PTPRK: variants seen among roughly 807,000 people sequenced by gnomAD.
PTPRK encodes protein tyrosine phosphatase receptor type K.
A neutral mutation model predicts 178.0 loss-of-function variants in PTPRK; 75 were observed. That is an observed-to-expected ratio of 0.42 (90% CI 0.35 to 0.51). PTPRK has a LOEUF of 0.51. Ranked by LOEUF, PTPRK falls within the 20% of genes least tolerant of loss-of-function variation. The pLI is 0.02. For missense variants in PTPRK, 1,441 were observed against 1,797.8 expected (o/e 0.80, Z 3.59); for synonymous variants, 637 against 620.6 (o/e 1.03, Z -0.39).
chr6:128,342,563 CAA>C (rs879599225), intron 2 of PTPRK, among the ~76,000 whole-genome samples: 6 of 140,254 alleles, frequency 4.3e-5, no homozygotes, highest in African/African-American at 7.8e-5. Context: ...ACAGTTATGA[CAA>C]AAAAAAAAAG....
At chr6:128,188,553 C>T (rs1346935133) in intron 6 of PTPRK, among the ~76,000 whole-genome samples, 3 of 152,106 alleles carry the variant, frequency 2.0e-5, no homozygotes, top group South Asian at 2.1e-4. Flanking sequence ...CATAAAGTAT[C>T]GTAAGATTAG....
intron 3 of PTPRK, among the ~76,000 whole-genome samples, chr6:128,286,265 T>C (rs1449758689): frequency 1.3e-5 from 2 of 152,180 alleles, no homozygotes; most frequent in Non-Finnish European, 2.9e-5. Context: ...ACTGTGCGTT[T>C]ATAGTTTTCA....
At chr6:128,388,186 A>G (rs1205124238) in intron 2 of PTPRK, among the ~76,000 whole-genome samples, 1 of 152,138 alleles carries the variant, frequency 6.6e-6, no homozygotes, top group African/African-American at 2.4e-5. Flanking sequence ...TATCCCAGGA[A>G]AGTTTTTTGT....
intron 7 of PTPRK, among the ~76,000 whole-genome samples, chr6:128,107,179 T>C (rs959060882): frequency 6.6e-6 from 1 of 152,056 alleles, no homozygotes; most frequent in Non-Finnish European, 1.5e-5. Flanking sequence ...AGTACATGTT[T>C]ATCTCATATA....
chr6:128,307,461 TA>T (rs540521960), intron 3 of PTPRK, among the ~76,000 whole-genome samples: 586 of 122,960 alleles, frequency 4.8e-3, no homozygotes, highest in South Asian at 9.8e-3. Flanking sequence ...ATTTGTAAAG[TA>T]AAAAAAAAAA....
chr6:128,129,158 C>T (rs184226117), intron 7 of PTPRK, among the ~76,000 whole-genome samples: 36 of 152,262 alleles, frequency 2.4e-4, no homozygotes, highest in Admixed American at 2.2e-3. Flanking sequence ...TTTAAGTTGG[C>T]TTGTAATTCT....
At chr6:128,044,923 A>G (rs1367801644) in intron 13 of PTPRK, among the ~76,000 whole-genome samples, 1 of 152,000 alleles carries the variant, frequency 6.6e-6, no homozygotes, top group African/African-American at 2.4e-5. Flanking sequence ...TACCATTTTA[A>G]TGCTGTCATC....
intron 3 of PTPRK, among the ~76,000 whole-genome samples, chr6:128,293,281 T>C (rs1823715130): frequency 6.6e-6 from 1 of 152,016 alleles, no homozygotes; most frequent in South Asian, 2.1e-4. Context: ...CACTAGCAGG[T>C]TTGGTTGTCT....
chr6:128,245,567 T>C (rs1815302662), intron 3 of PTPRK, among the ~76,000 whole-genome samples: 1 of 152,206 alleles, frequency 6.6e-6, no homozygotes, highest in South Asian at 2.1e-4. Context: ...ACTCCAAGTT[T>C]ACCCTTTGTG....
intron 13 of PTPRK, among the ~76,000 whole-genome samples, chr6:128,049,195 T>C (rs1388832499): frequency 6.6e-6 from 1 of 152,166 alleles, no homozygotes; most frequent in African/African-American, 2.4e-5. Context: ...TTTTAAGAAA[T>C]AGATTTGACT....
At chr6:128,215,817 C>A (rs891226371) in intron 6 of PTPRK, among the ~76,000 whole-genome samples, 1 of 151,958 alleles carries the variant, frequency 6.6e-6, no homozygotes, top group Non-Finnish European at 1.5e-5. Context: ...TCACTGCCCC[C>A]AAAATTTCCT....
At chr6:128,085,986 GTC>G (rs1192941466) in intron 8 of PTPRK, among the ~76,000 whole-genome samples, 4 of 152,146 alleles carry the variant, frequency 2.6e-5, no homozygotes, top group Non-Finnish European at 5.9e-5. Flanking sequence ...GACAGAAAAT[GTC>G]TCTCTGTACC....
At chr6:128,395,376 G>A (rs1184342983) in intron 2 of PTPRK, among the ~76,000 whole-genome samples, 1 of 152,052 alleles carries the variant, frequency 6.6e-6, no homozygotes, top group Non-Finnish European at 1.5e-5. Context: ...CATTTTCTGT[G>A]CATATCATCC....
rs746283964 is a variant in PTPRK, at chr6:127,973,758, C to T, written c.4039G>A (p.Gly1347Arg). 8 of 1,613,864 alleles carry T rather than the reference C, an allele frequency of 5.0e-6. No homozygotes were observed. The African/African-American group carries it at 8.0e-5, about 16-fold the overall frequency. Residue 1347 changes from glycine to arginine, a missense_variant, in exon 28 of 30, where the codon GGA becomes AGA. By Grantham distance (125) the Gly-to-Arg change is moderately radical. Around this residue, in one of 4 missense-constraint regions of PTPRK, gnomAD observed 335 missense variants for 512.4 expected, o/e 0.65. Transcript: ENST00000368226. Reference protein sequence around the residue: ...LGWASHREVPGSKRSFLKLIL... With the variant: ...LGWASHREVPRSKRSFLKLIL... ...AGTTTCAAGAATGACCTTTTGGATC[C>T]AGGCACTTCTCGATGAGAAGCCCAT... is the stretch of plus-strand genomic sequence containing the variant.
intron 11 of PTPRK, among the ~76,000 whole-genome samples, chr6:128,071,405 C>T (rs1278293190): frequency 6.6e-6 from 1 of 151,992 alleles, no homozygotes; most frequent in Non-Finnish European, 1.5e-5. Context: ...CCAAACGAAA[C>T]TGAAATTGTA....
At chr6:128,077,080 A>G (rs1329579618) in intron 11 of PTPRK, among the ~76,000 whole-genome samples, 2 of 152,074 alleles carry the variant, frequency 1.3e-5, no homozygotes, top group African/African-American at 4.8e-5. Flanking sequence ...ATAAAGTTGA[A>G]TTCACCCAAA....
intron 1 of PTPRK, among the ~76,000 whole-genome samples, chr6:128,481,241 A>C (rs577569721): frequency 6.6e-6 from 1 of 152,118 alleles, no homozygotes; most frequent in Non-Finnish European, 1.5e-5. Flanking sequence ...AGCTGTTAAC[A>C]TGAAATATGT....
At chr6:128,405,586 G>A (rs930329824) in intron 1 of PTPRK, among the ~76,000 whole-genome samples, 1 of 152,086 alleles carries the variant, frequency 6.6e-6, no homozygotes, top group Admixed American at 6.6e-5. Context: ...TGGTAAAACT[G>A]GAAACCACCC....
At chr6:128,315,992 T>C (rs1033232707) in intron 3 of PTPRK, among the ~76,000 whole-genome samples, 1 of 152,160 alleles carries the variant, frequency 6.6e-6, no homozygotes, top group Non-Finnish European at 1.5e-5. Flanking sequence ...CAATTAACTA[T>C]CAAAGTCAGC....
Sources: allele counts gnomAD v4.1 joint callset (sites outside exome capture counted in the v4.1 genomes callset), GRCh38; gene constraint gnomAD v4.1.1; regional missense constraint gnomAD v4.1.1; transcripts MANE v1.5; gene names NCBI Gene and HGNC (gene_info 2026-07-23, HGNC 2026-07-21).